The following BPTF variants were observed in gnomAD, a reference collection of about 807,000 sequenced individuals.
BPTF encodes nucleosome-remodeling factor subunit BPTF.
BPTF carries 18 observed loss-of-function variants against 292.5 expected under a neutral mutation model. The observed-to-expected ratio is 0.06, with a 90% CI of 0.04 to 0.09. BPTF has a LOEUF of 0.09. BPTF is among the 10% of genes least tolerant of loss of function. The pLI is 1.00. For missense variants in BPTF, 2,726 were observed against 3,498.7 expected (o/e 0.78, Z 5.57); for synonymous variants, 1,225 against 1,251.9 (o/e 0.98, Z 0.45).
intron 1 of BPTF, among the ~76,000 whole-genome samples, chr17:67,834,006 T>C (rs1024715883): frequency 2.0e-5 from 3 of 152,184 alleles, no homozygotes; most frequent in African/African-American, 7.2e-5. Flanking sequence ...ACTCCTTATT[T>C]CTTCTCTTCA....
rs764758708 is a variant in BPTF, at chr17:67,911,618, T to C, written c.3734T>C (p.Ile1245Thr). The change falls in exon 11 of 28, where the codon ATT (isoleucine) becomes ACT (threonine). Residue 1245 changes from isoleucine (I) to threonine (T), a missense_variant. By Grantham distance (89) the Ile-to-Thr change is moderately conservative. Transcript: ENST00000306378. ...KPLIQEESDT[I>T]VSSSKSALHS... ...CTCATACAGGAGGAAAGTGACACCA[T>C]TGTTTCTTCTTCCAAGAGTGCTTTA... 1 of 1,614,174 alleles carries C rather than the reference T, an allele frequency of 6.2e-7. No homozygotes were observed. Among genetic ancestry groups the C allele is most frequent in the Non-Finnish European group, 8.5e-7 (1 of 1,180,028 alleles).
chr17:67,858,007 C>T (rs1162903190), intron 2 of BPTF, among the ~76,000 whole-genome samples: 3 of 150,020 alleles, frequency 2.0e-5, no homozygotes, highest in Admixed American at 6.7e-5. Flanking sequence ...AGGCTGGTCT[C>T]GAACTCCTGA....
chr17:67,880,097 A>G (rs1236705315), intron 4 of BPTF, among the ~76,000 whole-genome samples: 1 of 152,134 alleles, frequency 6.6e-6, no homozygotes, highest in African/African-American at 2.4e-5. Flanking sequence ...ATTTATTAGC[A>G]TAATAACATC....
At chr17:67,956,835 G>A (rs1461938825) in intron 23 of BPTF, 2 of 152,022 alleles carry the variant, frequency 1.3e-5, no homozygotes, top group East Asian at 1.9e-4. Flanking sequence ...GTGGTGGCGG[G>A]CGCATGTAGC....
At chr17:67,882,390 A>C (rs1412253056) in intron 4 of BPTF, among the ~76,000 whole-genome samples, 1 of 152,214 alleles carries the variant, frequency 6.6e-6, no homozygotes, top group Non-Finnish European at 1.5e-5. Context: ...TTGACATTTC[A>C]GATTCAGATT....
intron 7 of BPTF, among the ~76,000 whole-genome samples, chr17:67,902,606 C>A (rs1272197078): frequency 3.3e-5 from 5 of 152,114 alleles, no homozygotes; most frequent in African/African-American, 1.2e-4. Flanking sequence ...CAGTTGAGTG[C>A]AGTTAATAGG....
intron 1 of BPTF, among the ~76,000 whole-genome samples, chr17:67,833,145 A>G (rs568175695): frequency 1.3e-5 from 2 of 151,844 alleles, no homozygotes; most frequent in East Asian, 3.9e-4. Flanking sequence ...CATATAATAT[A>G]TGTCTTCCAT....
chr17:67,864,528 A>C (rs1350458065), intron 2 of BPTF, among the ~76,000 whole-genome samples: 35 of 67,502 alleles, frequency 5.2e-4, no homozygotes, highest in African/African-American at 3.2e-3. Flanking sequence ...ACTCCATCAC[A>C]AAAAAAAAAA....
intron 1 of BPTF, among the ~76,000 whole-genome samples, chr17:67,843,615 T>C (rs2057755593): frequency 6.7e-6 from 1 of 149,618 alleles, no homozygotes; most frequent in Non-Finnish European, 1.5e-5. Flanking sequence ...TATAAATATC[T>C]GTATATATCT....
At chr17:67,981,979 AG>A (rs2070437289) in intron 27 of BPTF, among the ~76,000 whole-genome samples, 3 of 115,436 alleles carry the variant, frequency 2.6e-5, no homozygotes, top group African/African-American at 9.5e-5. Context: ...AATCTTTATT[AG>A]ACAAATATAT....
At chr17:67,837,694 G>A (rs2057242894) in intron 1 of BPTF, among the ~76,000 whole-genome samples, 1 of 152,186 alleles carries the variant, frequency 6.6e-6, no homozygotes, top group Admixed American at 6.5e-5. Flanking sequence ...ACAGGCGTGA[G>A]CCACCGTGCC....
At position 67,881,528 on chromosome 17, in the gene BPTF, G is replaced by C. The variant is rs148027363; in HGVS notation, c.1864+6508G>C. On this transcript the variant is annotated intron_variant, in intron 4 of 27. Transcript: ENST00000306378. ...TTTTTTTTTTTTTTTGAGAGACAGA[G>C]TCTCGCTCTGTCACCCAGGCTGGAG... is the stretch of plus-strand genomic sequence containing the variant. 6.2e-3 allele frequency among the ~76,000 whole-genome samples: 754 copies of C among 121,736 alleles called. 23 individuals carry two copies. Among genetic ancestry groups the C allele is most frequent in the East Asian group, 0.054 (227 of 4,178 alleles). The allele number at this position is 121,736 out of a possible 152,430, so 79.9% of individuals were successfully genotyped here.
rs151219553 is a variant in BPTF at position 67,854,918 on chromosome 17, A to G, written c.1436+156A>G. 6.6e-6 allele frequency among the ~76,000 whole-genome samples: 1 copy of G among 152,358 alleles called. No homozygotes were observed. The highest frequency in any genetic ancestry group is 1.9e-4 in the East Asian group (1 of 5,192). On this transcript the variant is annotated intron_variant, in intron 2 of 27. Coordinates refer to ENST00000306378, the MANE Select transcript of BPTF (RefSeq NM_182641.4). This position sits in a 1 kb window ranked among gnomAD's most constrained non-coding sequence, Gnocchi z 5.6. The stretch of plus-strand genomic sequence containing the variant: ...ATTTCTTAATTGAAGGAATATGTGC[A>G]TTAAAATAGCTTTTAAGAAGGTAAA...
intron 22 of BPTF, 53 bp downstream of exon 22, chr17:67,947,861 A>G: frequency 6.7e-7 from 1 of 1,490,094 alleles, no homozygotes; most frequent in Non-Finnish European, 9.1e-7. Context: ...TTTATCGTGC[A>G]CACGCACAGA....
chr17:67,851,781 G>A (rs1482745613), intron 1 of BPTF, among the ~76,000 whole-genome samples: 1 of 152,122 alleles, frequency 6.6e-6, no homozygotes, highest in African/African-American at 2.4e-5. Context: ...TGGTATACTG[G>A]TGTTTCCATT....
intron 15 of BPTF, among the ~76,000 whole-genome samples, chr17:67,926,624 A>C (rs543607919): frequency 1.3e-5 from 2 of 152,236 alleles, no homozygotes; most frequent in South Asian, 4.1e-4. Flanking sequence ...GCACCCAGCC[A>C]GTATATTACT....
intron 4 of BPTF, among the ~76,000 whole-genome samples, chr17:67,881,941 ACTGCAACCTCCG>A (rs1273134318): frequency 5.2e-5 from 7 of 133,908 alleles, no homozygotes; most frequent in African/African-American, 2.0e-4. Context: ...ATCTCAGCTC[ACTGCAACCTCCG>A]CCTCCTGAGT....
At chr17:67,837,845 A>G (rs561059680) in intron 1 of BPTF, among the ~76,000 whole-genome samples, 1 of 152,324 alleles carries the variant, frequency 6.6e-6, no homozygotes, top group African/African-American at 2.4e-5. Flanking sequence ...TTGCGATGTG[A>G]TATGAGACCC....
intron 1 of BPTF, among the ~76,000 whole-genome samples, chr17:67,829,870 T>C (rs1453523750): frequency 1.3e-5 from 2 of 152,226 alleles, no homozygotes; most frequent in Non-Finnish European, 2.9e-5. Flanking sequence ...CTCAGTATTT[T>C]GTAGGTAATG....
Sources: gnomAD v4.1 joint callset for allele counts (sites outside exome capture counted in the v4.1 genomes callset) on GRCh38, gnomAD v4.1.1 for gene constraint, Gnocchi (gnomAD v3.1) non-coding constraint, MANE v1.5 for transcripts, NCBI Gene and HGNC (gene_info 2026-07-23, HGNC 2026-07-21) for gene names.